SHANK2: variants seen among roughly 807,000 people sequenced by gnomAD.
The protein encoded by SHANK2 is SH3 and multiple ankyrin repeat domains protein 2.
In SHANK2, 43 loss-of-function variants were observed where a neutral mutation model predicts 133.7. The observed-to-expected ratio is 0.32, with a 90% confidence interval of 0.25 to 0.41. The LOEUF is 0.41. Ranked by LOEUF, SHANK2 falls within the 10% of genes least tolerant of loss-of-function variation. The pLI is 1.00. For synonymous variants in SHANK2, 1,017 were observed against 952.8 expected, an observed-to-expected ratio of 1.07 and a Z score of -1.24; for missense variants, 1,994 against 2,235.8, an observed-to-expected ratio of 0.89 and a Z score of 2.18.
intron 14 of SHANK2, among the ~76,000 whole-genome samples, chr11:70,719,526 A>C (rs1946030223): frequency 6.6e-6 from 1 of 152,028 alleles, no homozygotes; most frequent in South Asian, 2.1e-4. Flanking sequence ...AGCATGGTGG[A>C]GGGGTGCAGA....
chr11:70,791,397 A>G lies in SHANK2; in HGVS notation c.1777+7046T>C, dbSNP rs1470721785. Among the ~76,000 whole-genome samples the G allele has an allele frequency of 3.1e-4, 47 of 152,216 alleles. 1 individual carries two copies. Among genetic ancestry groups the G allele is most frequent in the Admixed American group, 3.1e-3 (47 of 15,284 alleles). On this transcript the variant is annotated intron_variant, in intron 14 of 25. Transcript: ENST00000601538. ...TCTTCCAAGATGCATCTCCTCTTGCATATAATAACAACATAGTCATATGTG... is the reference window on the plus strand; with the variant it reads ...TCTTCCAAGATGCATCTCCTCTTGCGTATAATAACAACATAGTCATATGTG...
intron 17 of SHANK2, among the ~76,000 whole-genome samples, chr11:70,576,053 C>A (rs1023318261): frequency 2.0e-5 from 3 of 152,106 alleles, no homozygotes; most frequent in African/African-American, 4.8e-5. Flanking sequence ...GTGTTCCCCC[C>A]TCTCCCCACA....
intron 3 of SHANK2, among the ~76,000 whole-genome samples, chr11:71,126,713 C>A (rs1344528625): frequency 2.7e-5 from 4 of 150,252 alleles, no homozygotes; most frequent in Non-Finnish European, 4.4e-5. Flanking sequence ...TGATTCCAAC[C>A]CTCATAAACG....
rs755618 is a variant in SHANK2 at position 70,501,130 on chromosome 11, C to T, written c.2288-540G>A. Among the ~76,000 whole-genome samples, 2,116 of 152,218 alleles carry T rather than the reference C, an allele frequency of 0.014. 94 individuals carry two copies. In the East Asian group the frequency reaches 0.16, roughly 12 times the overall value. On this transcript the variant is annotated intron_variant, in intron 20 of 25. Coordinates refer to ENST00000601538, the MANE Select transcript of SHANK2 (RefSeq NM_012309.5). ...CCGTCGCCTGTGAGGCTGGGGCACG[C>T]GGGGCACTACTGGTTCTGGGTGGGT...
chr11:70,916,324 C>T (rs1487330591), intron 10 of SHANK2, among the ~76,000 whole-genome samples: 4 of 152,084 alleles, frequency 2.6e-5, no homozygotes, highest in Non-Finnish European at 4.4e-5. Context: ...ATGGAAATGG[C>T]CTAGTTGCAG....
rs369980272 is a variant in SHANK2 at position 71,139,816 on chromosome 11, G to T, written c.207+7304C>A. On this transcript the variant is annotated intron_variant, in intron 3 of 25. Coordinates refer to ENST00000601538, the MANE Select transcript of SHANK2 (RefSeq NM_012309.5). ...GTGAGGGCTCCGGTTGTGCCTGAAG[G>T]GTTGTGAGCACTGCTAGAGGCTCTC... Among the ~76,000 whole-genome samples the T allele has an allele frequency of 3.9e-5, 6 of 152,350 alleles. No homozygotes were observed. In the East Asian group the frequency reaches 9.6e-4, roughly 24 times the overall value.
intron 17 of SHANK2, among the ~76,000 whole-genome samples, chr11:70,598,802 C>T (rs1484787188): frequency 6.6e-6 from 1 of 151,876 alleles, no homozygotes; most frequent in African/African-American, 2.4e-5. Flanking sequence ...AAAGAAAAGC[C>T]ATGTAATTTT....
At chr11:71,128,381 C>G (rs1194685839) in intron 3 of SHANK2, among the ~76,000 whole-genome samples, 1 of 152,128 alleles carries the variant, frequency 6.6e-6, no homozygotes, top group East Asian at 1.9e-4. Flanking sequence ...ATGGATGTAA[C>G]GAGATCTCCG....
chr11:70,513,836 A>G (rs1486217403), intron 17 of SHANK2, among the ~76,000 whole-genome samples: 1 of 152,222 alleles, frequency 6.6e-6, no homozygotes, highest in Non-Finnish European at 1.5e-5. Context: ...AGAAAAAAAG[A>G]TTTTAAAAAG....
intron 10 of SHANK2, among the ~76,000 whole-genome samples, chr11:70,953,007 C>A (rs1555087004): frequency 6.6e-6 from 1 of 152,046 alleles, no homozygotes; most frequent in African/African-American, 2.4e-5. Context: ...GATCTCTGCC[C>A]CCATCCCACG....
At chr11:71,242,528 G>A (rs537132688) in intron 1 of SHANK2, among the ~76,000 whole-genome samples, 1 of 152,286 alleles carries the variant, frequency 6.6e-6, no homozygotes, top group Admixed American at 6.5e-5. Context: ...CCTCAATGCA[G>A]CTCACCCCGA....
intron 20 of SHANK2, 55 bp downstream of exon 20, chr11:70,501,868 G>A: frequency 6.5e-7 from 1 of 1,545,954 alleles, no homozygotes; most frequent in South Asian, 1.2e-5. Flanking sequence ...GATGTCAGTG[G>A]GGGTGCCCTA....
chr11:70,774,174 A>G (rs2135067746), intron 14 of SHANK2, among the ~76,000 whole-genome samples: 1 of 152,334 alleles, frequency 6.6e-6, no homozygotes, highest in African/African-American at 2.4e-5. Flanking sequence ...AGAATCTCAA[A>G]AACACTGTCC....
Position 70,569,939 on chromosome 11 carries a change from TAGAG to T in SHANK2, c.2062-67012_2062-67009del, listed in dbSNP as rs34853868. Among the ~76,000 whole-genome samples, 9 of 147,712 alleles carry T rather than the reference TAGAG, an allele frequency of 6.1e-5. No individual in the cohort carries two copies. Among genetic ancestry groups the T allele is most frequent in the East Asian group, 2.0e-4 (1 of 5,000 alleles). On this transcript the variant is annotated intron_variant, in intron 17 of 25. Transcript: ENST00000601538. The surrounding 1 kb of genome is among the most constrained non-coding windows in gnomAD (Gnocchi z 5.1). The stretch of plus-strand genomic sequence containing the variant: ...TCACCGAGACAGAGACACAGAGACA[TAGAG>T]AGAGAGAGAGAAGGGAGTGAGAGAC...
At chr11:71,101,869 C>T (rs1295136920) in intron 6 of SHANK2, among the ~76,000 whole-genome samples, 2 of 152,054 alleles carry the variant, frequency 1.3e-5, no homozygotes, top group African/African-American at 2.4e-5. Context: ...GGGGGGCGGC[C>T]GAATGGGAGG....
intron 8 of SHANK2, among the ~76,000 whole-genome samples, chr11:71,075,613 A>G (rs1590886492): frequency 6.6e-6 from 1 of 152,036 alleles, no homozygotes; most frequent in South Asian, 2.1e-4. Flanking sequence ...TCTTTCTCCC[A>G]TCCTCAGTGC....
At chr11:70,812,820 G>A (rs1395847827) in intron 12 of SHANK2, among the ~76,000 whole-genome samples, 3 of 152,108 alleles carry the variant, frequency 2.0e-5, no homozygotes, top group Admixed American at 6.5e-5. Flanking sequence ...CTTATGTTCT[G>A]GCCAAGAACA....
chr11:70,892,356 T>G (rs481498), intron 11 of SHANK2, among the ~76,000 whole-genome samples: 138,327 of 149,210 alleles, frequency 0.93, 63,734 homozygotes, highest in Non-Finnish European at 0.99. Context: ...CTAACTATGG[T>G]GGGGGGGACT....
intron 12 of SHANK2, among the ~76,000 whole-genome samples, chr11:70,819,658 C>T (rs1013565920): frequency 1.3e-5 from 2 of 152,118 alleles, no homozygotes; most frequent in Non-Finnish European, 2.9e-5. Context: ...CCAAAGTCTG[C>T]CCTATGCTGC....
Sources: allele counts gnomAD v4.1 joint callset (sites outside exome capture counted in the v4.1 genomes callset), GRCh38; gene constraint gnomAD v4.1.1; non-coding constraint Gnocchi (gnomAD v3.1); transcripts MANE v1.5; gene names NCBI Gene and HGNC (gene_info 2026-07-23, HGNC 2026-07-21).